Variants in STARD9 observed in about 807,000 individuals in gnomAD.
The protein encoded by STARD9 is stAR-related lipid transfer protein 9.
STARD9 carries 346 observed loss-of-function variants against 399.8 expected under a neutral mutation model. The ratio of observed to expected loss-of-function variants is 0.87; its 90% CI spans 0.79 to 0.95. The LOEUF is 0.95. STARD9 is among the 40% of genes least tolerant of loss of function. The pLI is 0.00. For synonymous variants in STARD9, 2,203 were observed against 2,143.5 expected (o/e 1.03, Z -0.77); for missense variants, 5,832 against 5,667.5 (o/e 1.03, Z -0.93).
At chr15:42,711,421 G>A (rs1334546609) in intron 26 of STARD9, among the ~76,000 whole-genome samples, 3 of 152,182 alleles carry the variant, frequency 2.0e-5, no homozygotes, top group African/African-American at 4.8e-5. Context: ...GATTACAGGC[G>A]TGAGCCACTG....
Position 42,665,240 on chromosome 15 carries a change from C to G in STARD9, c.1177-13C>G. On this transcript the variant is annotated splice_polypyrimidine_tract_variant and intron_variant, in intron 13 of 32. Coordinates refer to ENST00000290607, the MANE Select transcript of STARD9 (RefSeq NM_020759.3). ...GATAACAATCAGTGGTGATGGAGTT[C>G]TCTGTGTTTCAGGATGCAAACTTAA... 1 of 1,534,300 alleles carries G rather than the reference C, an allele frequency of 6.5e-7. No homozygotes were observed. Among genetic ancestry groups the G allele is most frequent in the Non-Finnish European group, 8.7e-7 (1 of 1,144,388 alleles).
chr15:42,700,005 T>C (rs1332253966), intron 26 of STARD9, among the ~76,000 whole-genome samples: 1 of 152,210 alleles, frequency 6.6e-6, no homozygotes, highest in Non-Finnish European at 1.5e-5. Flanking sequence ...TCAACTTTTT[T>C]AGATTCCGCA....
chr15:42,638,967 G>A (rs754416917), intron 7 of STARD9, among the ~76,000 whole-genome samples, 155 bp downstream of exon 7: 5 of 152,342 alleles, frequency 3.3e-5, no homozygotes, highest in South Asian at 2.1e-4. Context: ...TAGAGAAGAC[G>A]TGGTCCTGCC....
At position 42,689,357 on chromosome 15, in the gene STARD9, G is replaced by T. The variant is rs939415333; in HGVS notation, c.7779G>T (p.Arg2593Ser). 3.8e-5 allele frequency: 58 copies of T among 1,537,172 alleles called. No homozygotes were observed. Among genetic ancestry groups the T allele is most frequent in the Non-Finnish European group, 5.0e-5 (57 of 1,146,928 alleles). Residue 2593 changes from arginine (R) to serine (S), a missense_variant, in exon 23 of 33, where the codon AGG (arginine) becomes AGT (serine). Arg to Ser is a moderately radical substitution (Grantham distance 110). This residue lies in a region of STARD9 where 5,828 missense variants were observed against 5,651.1 expected (regional missense o/e 1.03). Coordinates refer to ENST00000290607, the MANE Select transcript of STARD9 (RefSeq NM_020759.3). ...AATGTTCTTCAAGGGTTGCTGGCAG[G>T]CCTCAGTGTAAACAAATAGACCAGT... ...EPECSSRVAG[R>S]PQCKQIDQSS...
chr15:42,604,722 C>T (rs2058696215), intron 3 of STARD9, among the ~76,000 whole-genome samples: 1 of 141,832 alleles, frequency 7.1e-6, no homozygotes, highest in African/African-American at 2.6e-5. Context: ...TAGTTCACTG[C>T]AGCCTTGATC....
Position 42,688,721 on chromosome 15 carries a change from GGACCAGAGTACGGA to G in STARD9, c.7151_7164del (p.Ser2384LysfsTer9). 6.5e-7 allele frequency: 1 copy of G among 1,537,774 alleles called. No homozygotes were observed. Among genetic ancestry groups the G allele is most frequent in the Non-Finnish European group, 8.7e-7 (1 of 1,147,026 alleles). On this transcript the variant is annotated frameshift_variant, in exon 23 of 33. Transcript: ENST00000290607. LOFTEE classifies it high-confidence loss of function. ...CCTTGGTAACTGGAGTAGAGCATCA[GGACCAGAGTACGGA>G]GACCAGAAGCCACAGCCCCGAAGGA...
rs577527530 is a variant in STARD9 at position 42,576,782 on chromosome 15, A to G, written c.47+1020A>G. ...ACTAGTGTGGATTATGTTCGTCCTCATATAGAAATGATTGGCTTTGAAAAG... is the reference window on the plus strand; with the variant it reads ...ACTAGTGTGGATTATGTTCGTCCTCGTATAGAAATGATTGGCTTTGAAAAG... On this transcript the variant is annotated intron_variant, in intron 1 of 32. Coordinates refer to ENST00000290607, the MANE Select transcript of STARD9 (RefSeq NM_020759.3). Among the ~76,000 whole-genome samples the G allele has an allele frequency of 3.9e-5, 6 of 152,348 alleles. No homozygotes were observed. The South Asian group carries it at 8.3e-4, about 21-fold the overall frequency.
Position 42,651,932 on chromosome 15 carries a change from G to C in STARD9, c.630-588G>C, listed in dbSNP as rs1372789261. ...TCTTAGATAAAGGAAAACCTCTCCT[G>C]ACTTTAAGGGTTAACACTGTAATGG... On this transcript the variant is annotated intron_variant, in intron 8 of 32. Coordinates refer to ENST00000290607, the MANE Select transcript of STARD9 (RefSeq NM_020759.3). Among the ~76,000 whole-genome samples, 3 of 152,272 alleles carry C rather than the reference G, an allele frequency of 2.0e-5. No individual in the cohort carries two copies. In the East Asian group the frequency reaches 5.8e-4, roughly 29 times the overall value.
intron 26 of STARD9, among the ~76,000 whole-genome samples, chr15:42,703,530 A>ATTTTTT (rs35809542): frequency 3.0e-5 from 4 of 135,174 alleles, no homozygotes; most frequent in African/African-American, 2.7e-5. Context: ...TGCCTGGCTG[A>ATTTTTT]TTTTTTTTTT....
chr15:42,609,983 C>T (rs2058815582), intron 3 of STARD9, among the ~76,000 whole-genome samples: 1 of 152,028 alleles, frequency 6.6e-6, no homozygotes, highest in Admixed American at 6.6e-5. Flanking sequence ...ATCCCAGCTA[C>T]TCGCGAGGCT....
chr15:42,643,513 A>G (rs2059582547), intron 7 of STARD9, among the ~76,000 whole-genome samples: 1 of 151,102 alleles, frequency 6.6e-6, no homozygotes, highest in Non-Finnish European at 1.5e-5. Context: ...CTTTTTAAAA[A>G]AAAACAGAGT....
At chr15:42,598,122 TC>T (rs1274359278) in intron 3 of STARD9, among the ~76,000 whole-genome samples, 5 of 148,750 alleles carry the variant, frequency 3.4e-5, no homozygotes, top group Admixed American at 2.0e-4. Flanking sequence ...AGCTCCACCT[TC>T]CGAGTTCACG....
intron 30 of STARD9, 74 bp from the exon 31 acceptor site, chr15:42,718,361 C>A: frequency 7.5e-7 from 1 of 1,338,576 alleles, no homozygotes. Flanking sequence ...GGGGGGAGGG[C>A]TCCCTGACCA....
Position 42,685,896 on chromosome 15 carries a change from T to C in STARD9, c.4318T>C (p.Phe1440Leu). ...RLIQPGADGTFQGRCIPDMTQ... is the reference protein window; with the variant it reads ...RLIQPGADGTLQGRCIPDMTQ... The stretch of plus-strand genomic sequence containing the variant: ...TATTCAACCAGGAGCTGATGGCACC[T>C]TTCAGGGCAGATGTATCCCTGACAT... The change falls in exon 23 of 33, where the codon TTT (phenylalanine) becomes CTT (leucine). Residue 1440 changes from phenylalanine to leucine, a missense_variant. Phe to Leu is a conservative substitution (Grantham distance 22, BLOSUM62 0). Coordinates refer to ENST00000290607, the MANE Select transcript of STARD9 (RefSeq NM_020759.3). 6.5e-7 allele frequency: 1 copy of C among 1,537,144 alleles called. No individual in the cohort carries two copies. The highest frequency in any genetic ancestry group is 8.7e-7 in the Non-Finnish European group (1 of 1,146,932).
intron 26 of STARD9, among the ~76,000 whole-genome samples, chr15:42,714,288 G>A (rs997702061): frequency 1.4e-4 from 22 of 151,862 alleles, no homozygotes; most frequent in Admixed American, 3.9e-4. Flanking sequence ...GGATGGTCTC[G>A]ATCTCCTGAC....
intron 10 of STARD9, 112 bp downstream of exon 10, chr15:42,661,337 G>T (rs1387551364): frequency 3.8e-6 from 3 of 783,264 alleles, no homozygotes; most frequent in Non-Finnish European, 6.2e-6. Flanking sequence ...TATTACAAAA[G>T]AAATAAGCTC....
intron 31 of STARD9, 22 bp downstream of exon 31, chr15:42,718,536 ATGT>A (rs1446439668): frequency 1.3e-6 from 2 of 1,533,778 alleles, no homozygotes; most frequent in South Asian, 1.2e-5. Flanking sequence ...GGTGGTAAAG[ATGT>A]TGTGGGAAGA....
chr15:42,667,333 C>G (rs1023246290), intron 15 of STARD9, among the ~76,000 whole-genome samples: 2 of 151,372 alleles, frequency 1.3e-5, no homozygotes, highest in African/African-American at 2.4e-5. Context: ...TACAGGCTCA[C>G]GCCACCACGC....
Position 42,593,654 on chromosome 15 carries a change from C to CTTT in STARD9, c.234+8042_234+8044dup, listed in dbSNP as rs71108170. Among the ~76,000 whole-genome samples the CTTT allele has an allele frequency of 5.2e-3, 346 of 66,924 alleles. 64 individuals are homozygous for CTTT. The highest frequency in any genetic ancestry group is 0.012 in the African/African-American group (208 of 17,332). 43.9% of individuals were successfully genotyped at this position (66,924 alleles called of 152,430 possible). On this transcript the variant is annotated intron_variant, in intron 3 of 32. Coordinates refer to ENST00000290607, the MANE Select transcript of STARD9 (RefSeq NM_020759.3). ...TTTTAGTAGTAATATGGTTGTGCTT[C>CTTT]TTTTTTTTTTTTTTTTTTTTTTTTT...
Sources: allele counts gnomAD v4.1 joint callset (sites outside exome capture counted in the v4.1 genomes callset), GRCh38; gene constraint gnomAD v4.1.1; regional missense constraint gnomAD v4.1.1; transcripts MANE v1.5; gene names NCBI Gene and HGNC (gene_info 2026-07-23, HGNC 2026-07-21).